The following ADAMTSL3 variants were observed in gnomAD, a reference collection of about 807,000 sequenced individuals.
ADAMTSL3 encodes the protein ADAMTS like 3, also known as ADAMTS-like protein 3.
Under a neutral mutation model 201.7 loss-of-function variants are expected in ADAMTSL3, and 128 were observed. The observed-to-expected ratio is 0.63, with a 90% CI of 0.55 to 0.73. ADAMTSL3 has a LOEUF of 0.73. ADAMTSL3 is among the 30% of genes least tolerant of loss of function. The pLI is 0.00. For synonymous variants in ADAMTSL3, 738 were observed against 748.4 expected (o/e 0.99, Z 0.23); for missense variants, 1,990 against 2,119.6 (o/e 0.94, Z 1.20).
chr15:83,696,677 T>C (rs1413779468), intron 2 of ADAMTSL3, among the ~76,000 whole-genome samples: 2 of 152,152 alleles, frequency 1.3e-5, no homozygotes, highest in African/African-American at 2.4e-5. Flanking sequence ...GGAACTATAA[T>C]TGGGCAAATT....
intron 2 of ADAMTSL3, among the ~76,000 whole-genome samples, chr15:83,697,715 C>T (rs2061704865): frequency 6.6e-6 from 1 of 152,158 alleles, no homozygotes; most frequent in African/African-American, 2.4e-5. Flanking sequence ...GATATGTTCA[C>T]CAACTCAGAA....
At chr15:83,917,018 A>G (rs1217595188) in intron 16 of ADAMTSL3, among the ~76,000 whole-genome samples, 1 of 152,228 alleles carries the variant, frequency 6.6e-6, no homozygotes, top group Non-Finnish European at 1.5e-5. Context: ...TTCAGCTTCC[A>G]TAAGTCCACT....
At chr15:83,716,463 C>T (rs1391400960) in intron 3 of ADAMTSL3, among the ~76,000 whole-genome samples, 1 of 146,408 alleles carries the variant, frequency 6.8e-6, no homozygotes, top group African/African-American at 2.5e-5. Context: ...TGCAGTGAGC[C>T]GAGAGCGTGC....
intron 4 of ADAMTSL3, among the ~76,000 whole-genome samples, chr15:83,798,342 C>G (rs539098012): frequency 1.3e-5 from 2 of 152,278 alleles, no homozygotes; most frequent in East Asian, 3.9e-4. Flanking sequence ...AGAAAACATC[C>G]TAAATCAAAT....
At chr15:83,816,157 C>T (rs961133799) in intron 5 of ADAMTSL3, among the ~76,000 whole-genome samples, 2 of 152,264 alleles carry the variant, frequency 1.3e-5, no homozygotes, top group African/African-American at 2.4e-5. Context: ...CTTTCCTCCT[C>T]CTTTCTTACC....
intron 19 of ADAMTSL3, among the ~76,000 whole-genome samples, chr15:83,961,279 A>G (rs773290506): frequency 1.9e-4 from 29 of 152,210 alleles, no homozygotes; most frequent in Admixed American, 5.2e-4. Flanking sequence ...ATGGAAAAGA[A>G]CAAAGATGTA....
chr15:83,863,931 A>G (rs1171121094), intron 8 of ADAMTSL3, among the ~76,000 whole-genome samples: 1 of 152,236 alleles, frequency 6.6e-6, no homozygotes, highest in Non-Finnish European at 1.5e-5. Context: ...TAAAGGGGAT[A>G]TCACCACCGA....
chr15:83,988,647 T>G (rs1262679640), intron 21 of ADAMTSL3, 44 bp from the exon 22 acceptor site: 1 of 1,509,190 alleles, frequency 6.6e-7, no homozygotes, highest in Admixed American at 1.8e-5. Context: ...CCTAGGTCAG[T>G]TAAATTGTTA....
Position 83,903,969 on chromosome 15 carries a change from A to AGGG in ADAMTSL3, c.1700+4238_1700+4239insGGG, listed in dbSNP as rs1567226223. ...AGAAAAAAGAAAGAAAGAAAGAAAG[A>AGGG]AAAGGAGCTACAGTGAGGTTCAGGC... On this transcript the variant is annotated intron_variant, in intron 15 of 29. Coordinates refer to ENST00000286744, the MANE Select transcript of ADAMTSL3 (RefSeq NM_207517.3). Among the ~76,000 whole-genome samples, 810 of 89,576 alleles carry AGGG rather than the reference A, an allele frequency of 9.0e-3. 38 individuals are homozygous for AGGG. The highest frequency in any genetic ancestry group is 0.036 in the Middle Eastern group (4 of 112). The allele number at this position is 89,576 out of a possible 152,430, so 58.8% of individuals were successfully genotyped here.
rs963755370 is a variant in ADAMTSL3 at position 84,037,154 on chromosome 15, C to G, written c.4969+167C>G. On this transcript the variant is annotated intron_variant, in intron 29 of 29. Transcript: ENST00000286744. The stretch of plus-strand genomic sequence containing the variant: ...AGCTTGGGACATCAGGGGATGAACT[C>G]CTTTATGTGGGTGCAGCTGCATGTT... The G allele has an allele frequency of 1.1e-5, 8 of 723,940 alleles. No individual in the cohort carries two copies. The African/African-American group carries it at 1.4e-4, about 13-fold the overall frequency. The allele number at this position is 723,940 out of a possible 1,614,324, so 44.8% of individuals were successfully genotyped here.
chr15:83,831,989 A>C (rs1251876458), intron 6 of ADAMTSL3, among the ~76,000 whole-genome samples: 3 of 152,172 alleles, frequency 2.0e-5, no homozygotes, highest in Non-Finnish European at 4.4e-5. Context: ...GGGCTCTTCA[A>C]AGGAGTTGAT....
chr15:83,860,247 G>C (rs1456182899), intron 8 of ADAMTSL3, among the ~76,000 whole-genome samples: 1 of 152,158 alleles, frequency 6.6e-6, no homozygotes, highest in Non-Finnish European at 1.5e-5. Context: ...AGTAAAGTAA[G>C]ATTTGGGAAT....
intron 24 of ADAMTSL3, 23 bp downstream of exon 24, chr15:84,014,747 T>G: frequency 6.3e-7 from 1 of 1,590,370 alleles, no homozygotes; most frequent in Non-Finnish European, 8.6e-7. Context: ...TTCTTATTGC[T>G]CCTTAAGTGC....
chr15:83,663,635 G>T (rs2061206867), intron 2 of ADAMTSL3, among the ~76,000 whole-genome samples: 1 of 151,640 alleles, frequency 6.6e-6, no homozygotes, highest in African/African-American at 2.4e-5. Flanking sequence ...AGCTTTTCCA[G>T]CACTCCGGGT....
At chr15:83,885,798 C>G (rs560641382) in intron 10 of ADAMTSL3, among the ~76,000 whole-genome samples, 1 of 151,910 alleles carries the variant, frequency 6.6e-6, no homozygotes, top group East Asian at 1.9e-4. Flanking sequence ...AATCTCGGCT[C>G]GCTGCAACCT....
intron 15 of ADAMTSL3, among the ~76,000 whole-genome samples, chr15:83,909,827 C>T (rs1009060158): frequency 5.9e-5 from 9 of 151,926 alleles, no homozygotes; most frequent in African/African-American, 2.2e-4. Context: ...TGTTGGCCAG[C>T]CTAGTCTTGA....
intron 9 of ADAMTSL3, among the ~76,000 whole-genome samples, chr15:83,877,786 C>G (rs1365415507): frequency 6.6e-6 from 1 of 152,038 alleles, no homozygotes; most frequent in Non-Finnish European, 1.5e-5. Context: ...AATTTTTACT[C>G]TATGTCATTA....
intron 2 of ADAMTSL3, among the ~76,000 whole-genome samples, chr15:83,681,635 A>C (rs754924899): frequency 6.6e-6 from 1 of 152,194 alleles, no homozygotes; most frequent in Non-Finnish European, 1.5e-5. Context: ...AAATAGTTTG[A>C]ATAGCACTCT....
At chr15:83,966,857 G>T (rs1286803538) in intron 19 of ADAMTSL3, among the ~76,000 whole-genome samples, 1 of 152,058 alleles carries the variant, frequency 6.6e-6, no homozygotes. Context: ...TTCCTCCCTG[G>T]GATGCAAGGC....
Sources: gnomAD v4.1 joint callset for allele counts (sites outside exome capture counted in the v4.1 genomes callset) on GRCh38, gnomAD v4.1.1 for gene constraint, MANE v1.5 for transcripts, NCBI Gene and HGNC (gene_info 2026-07-23, HGNC 2026-07-21) for gene names.